The following AKAP6 variants were observed in gnomAD, a reference collection of about 807,000 sequenced individuals.
AKAP6 encodes the protein A-kinase anchoring protein 6.
A neutral mutation model predicts 188.5 loss-of-function variants in AKAP6; 58 were observed. That is an observed-to-expected ratio of 0.31 (90% CI 0.25 to 0.38). AKAP6 has a LOEUF of 0.38. AKAP6 is among the 10% of genes least tolerant of loss of function. AKAP6 has a pLI of 1.00. For synonymous variants in AKAP6, 989 were observed against 998.6 expected, an observed-to-expected ratio of 0.99 and a Z score of 0.18; for missense variants, 2,710 against 2,740.0, an observed-to-expected ratio of 0.99 and a Z score of 0.24.
Position 32,546,958 on chromosome 14 carries a change from C to A in AKAP6, c.2305C>A (p.Gln769Lys). The change falls in exon 4 of 14, where the codon CAG (glutamine) becomes AAG (lysine). Residue 769 changes from glutamine to lysine, a missense_variant. Physicochemically the swap from Gln to Lys is moderately conservative, Grantham distance 53. This residue lies in a region of AKAP6 where 2,473 missense variants were observed against 2,426.1 expected (regional missense o/e 1.02). Coordinates refer to ENST00000280979, the MANE Select transcript of AKAP6 (RefSeq NM_004274.5). ...ALIQKLMQDI[Q>K]HQDNYEAIWE... ...AATTCAGAAACTGATGCAAGATATTCAGCACCAAGACAACTATGAAGCCAT... is the reference window on the plus strand; with the variant it reads ...AATTCAGAAACTGATGCAAGATATTAAGCACCAAGACAACTATGAAGCCAT... 6.2e-7 allele frequency: 1 copy of A among 1,608,368 alleles called. No individual in the cohort carries two copies. Among genetic ancestry groups the A allele is most frequent in the Non-Finnish European group, 8.5e-7 (1 of 1,179,830 alleles).
At chr14:32,358,123 C>A (rs944957960) in intron 1 of AKAP6, among the ~76,000 whole-genome samples, 1 of 152,224 alleles carries the variant, frequency 6.6e-6, no homozygotes, top group Non-Finnish European at 1.5e-5. Context: ...GCTTACCTGG[C>A]TTGAAAAGTA....
At chr14:32,661,418 G>A (rs1218280312) in intron 7 of AKAP6, among the ~76,000 whole-genome samples, 4 of 152,038 alleles carry the variant, frequency 2.6e-5, no homozygotes, top group East Asian at 1.9e-4. Flanking sequence ...AACAGGGCAC[G>A]GTAATCAGAG....
At chr14:32,750,273 G>A (rs749070176) in intron 11 of AKAP6, among the ~76,000 whole-genome samples, 63 of 151,988 alleles carry the variant, frequency 4.1e-4, no homozygotes, top group Admixed American at 1.4e-3. Flanking sequence ...ATTTAAAAAT[G>A]AGCTTTTTTT....
intron 7 of AKAP6, among the ~76,000 whole-genome samples, chr14:32,602,068 G>A (rs759039231): frequency 7.9e-5 from 12 of 152,200 alleles, no homozygotes. Flanking sequence ...GTGATGTGAT[G>A]AAAGGATCAA....
At chr14:32,744,318 T>A (rs1258224550) in intron 11 of AKAP6, among the ~76,000 whole-genome samples, 3 of 151,952 alleles carry the variant, frequency 2.0e-5, no homozygotes, top group African/African-American at 7.3e-5. Flanking sequence ...TATTTTATTT[T>A]ATTTTATTTT....
chr14:32,578,511 C>G (rs1301914685), intron 5 of AKAP6, among the ~76,000 whole-genome samples: 2 of 151,858 alleles, frequency 1.3e-5, no homozygotes, highest in East Asian at 3.9e-4. Flanking sequence ...AGAGTTTCAA[C>G]TTTTTTTTAA....
In AKAP6 at chr14:32,823,947, T is replaced by A; in HGVS notation, c.6134T>A (p.Val2045Asp). ...NISCCNCEPD[V>D]FHQKDAEDCS... ...TCCTGTTGCAACTGTGAGCCAGATG[T>A]TTTCCATCAAAAAGATGCCGAAGAT... The change falls in exon 13 of 14, where the codon GTT (valine) becomes GAT (aspartate). Residue 2045 changes from valine (V) to aspartate (D), a missense_variant. This residue lies in a region of AKAP6 where 2,473 missense variants were observed against 2,426.1 expected (regional missense o/e 1.02). Transcript: ENST00000280979. The A allele has an allele frequency of 6.2e-7, 1 of 1,613,936 alleles. No individual in the cohort carries two copies. Among genetic ancestry groups the A allele is most frequent in the Non-Finnish European group, 8.5e-7 (1 of 1,179,930 alleles).
At chr14:32,761,294 A>G (rs2032528792) in intron 11 of AKAP6, among the ~76,000 whole-genome samples, 1 of 152,138 alleles carries the variant, frequency 6.6e-6, no homozygotes, top group Non-Finnish European at 1.5e-5. Flanking sequence ...TTATGTCCCT[A>G]GAGTTCTTGA....
chr14:32,677,623 A>G (rs1378890401), intron 7 of AKAP6, among the ~76,000 whole-genome samples: 3 of 152,250 alleles, frequency 2.0e-5, no homozygotes, highest in African/African-American at 2.4e-5. Context: ...TAAAGCATCT[A>G]TTCAATACAG....
chr14:32,463,026 G>A (rs962368807), intron 2 of AKAP6, among the ~76,000 whole-genome samples: 9 of 143,306 alleles, frequency 6.3e-5, no homozygotes, highest in African/African-American at 7.7e-5. Context: ...AATGGTAAAG[G>A]GATCAATGCA....
intron 3 of AKAP6, among the ~76,000 whole-genome samples, chr14:32,540,168 C>CTATATATATATATATATA (rs61668961): frequency 6.6e-5 from 4 of 60,922 alleles, no homozygotes; most frequent in African/African-American, 3.9e-4. Flanking sequence ...CTCTCTCTCT[C>CTATATATATATATATATA]TATATATATA....
At chr14:32,448,481 A>G (rs1047207845) in intron 2 of AKAP6, among the ~76,000 whole-genome samples, 12 of 152,236 alleles carry the variant, frequency 7.9e-5, no homozygotes, top group Non-Finnish European at 1.3e-4. Context: ...AATCTTTAAA[A>G]TAATATCTGG....
intron 3 of AKAP6, among the ~76,000 whole-genome samples, chr14:32,542,820 C>T (rs978583029): frequency 2.0e-5 from 3 of 152,162 alleles, no homozygotes; most frequent in South Asian, 4.1e-4. Context: ...TCTATGACAT[C>T]GTTGATTTCT....
At chr14:32,508,643 T>C (rs576990094) in intron 2 of AKAP6, among the ~76,000 whole-genome samples, 60 of 152,274 alleles carry the variant, frequency 3.9e-4, no homozygotes, top group Admixed American at 1.4e-3. Context: ...TAAAATGAAA[T>C]ACTAGGCAGC....
chr14:32,584,392 A>G (rs1187005381), intron 5 of AKAP6, among the ~76,000 whole-genome samples: 1 of 152,186 alleles, frequency 6.6e-6, no homozygotes. Context: ...ATGGCGTGCA[A>G]TTTAAAACTT....
chr14:32,791,193 A>G (rs1404746565), intron 12 of AKAP6, among the ~76,000 whole-genome samples: 1 of 152,160 alleles, frequency 6.6e-6, no homozygotes, highest in African/African-American at 2.4e-5. Context: ...GAATCACTAC[A>G]CTGTCTTCCA....
intron 4 of AKAP6, among the ~76,000 whole-genome samples, chr14:32,560,310 A>G (rs182168702): frequency 6.6e-6 from 1 of 152,302 alleles, no homozygotes; most frequent in Admixed American, 6.5e-5. Context: ...TGTCAGGATC[A>G]TTGCGCAAGG....
At chr14:32,512,300 C>G (rs969344048) in intron 2 of AKAP6, among the ~76,000 whole-genome samples, 1 of 152,150 alleles carries the variant, frequency 6.6e-6, no homozygotes, top group Admixed American at 6.6e-5. Flanking sequence ...GAGTAGAATT[C>G]TGTGTGTATA....
intron 7 of AKAP6, among the ~76,000 whole-genome samples, chr14:32,629,375 C>T (rs559612170): frequency 8.1e-6 from 1 of 123,386 alleles, no homozygotes; most frequent in South Asian, 2.5e-4. Context: ...CATCATAACA[C>T]AGCATAACAA....
Sources: gnomAD v4.1 joint callset for allele counts (sites outside exome capture counted in the v4.1 genomes callset) on GRCh38, gnomAD v4.1.1 for gene constraint, gnomAD v4.1.1 regional missense constraint, MANE v1.5 for transcripts, NCBI Gene and HGNC (gene_info 2026-07-23, HGNC 2026-07-21) for gene names.